The following RAB3B variants were observed in gnomAD, a reference collection of about 807,000 sequenced individuals.
RAB3B encodes the protein ras-related protein Rab-3B.
A neutral mutation model predicts 20.5 loss-of-function variants in RAB3B; 11 were observed. The ratio of observed to expected loss-of-function variants is 0.54; its 90% confidence interval spans 0.34 to 0.89. RAB3B has a LOEUF of 0.89. Ranked by LOEUF, RAB3B falls within the 40% of genes least tolerant of loss-of-function variation. RAB3B has a pLI of 0.02. For missense variants in RAB3B, 225 were observed against 280.9 expected (o/e 0.80, Z 1.42); for synonymous variants, 99 against 106.3 (o/e 0.93, Z 0.42).
At chr1:51,974,441 A>C (rs1355008420) in intron 2 of RAB3B, among the ~76,000 whole-genome samples, 4 of 152,218 alleles carry the variant, frequency 2.6e-5, no homozygotes, top group African/African-American at 7.2e-5. Flanking sequence ...CATTTCTAAC[A>C]AATTCCAAGG....
chr1:51,932,048 C>G (rs1684334300), intron 4 of RAB3B, among the ~76,000 whole-genome samples: 1 of 152,058 alleles, frequency 6.6e-6, no homozygotes, highest in Non-Finnish European at 1.5e-5. Flanking sequence ...CAGCAAGGCC[C>G]AAGATGACCC....
chr1:51,971,472 G>A (rs1428447073), intron 2 of RAB3B, among the ~76,000 whole-genome samples: 44 of 146,186 alleles, frequency 3.0e-4, no homozygotes, highest in African/African-American at 1.1e-3. Context: ...TCGCTCTGTC[G>A]CCTAGGCTGG....
At chr1:51,932,567 C>T (rs935794730) in intron 4 of RAB3B, among the ~76,000 whole-genome samples, 1 of 152,214 alleles carries the variant, frequency 6.6e-6, no homozygotes, top group Non-Finnish European at 1.5e-5. Context: ...GAGCTACATA[C>T]TCAAACCACA....
chr1:51,943,766 T>C (rs1684526242), intron 2 of RAB3B, among the ~76,000 whole-genome samples: 1 of 152,236 alleles, frequency 6.6e-6, no homozygotes, highest in Non-Finnish European at 1.5e-5. Flanking sequence ...GCCTTAACTC[T>C]CTTCAATTCT....
chr1:51,965,327 C>A (rs2124295117), intron 2 of RAB3B, among the ~76,000 whole-genome samples: 1 of 152,174 alleles, frequency 6.6e-6, no homozygotes, highest in South Asian at 2.1e-4. Context: ...TGTAAATATA[C>A]TAAAAATCAC....
chr1:51,988,324 A>G lies in RAB3B; in HGVS notation c.-1+2228T>C, dbSNP rs149001650. ...ACTGCTGACCCATCACCACCTTCTC[A>G]TTGTTTTCCCAGGTCTCCTAGAGCC... On this transcript the variant is annotated intron_variant, in intron 1 of 4. Coordinates refer to ENST00000371655, the MANE Select transcript of RAB3B (RefSeq NM_002867.4). Among the ~76,000 whole-genome samples the G allele has an allele frequency of 3.6e-3, 545 of 152,208 alleles. 3 individuals carry two copies. Among genetic ancestry groups the G allele is most frequent in the African/African-American group, 0.013 (519 of 41,520 alleles).
At chr1:51,975,424 C>T (rs1005417166) in intron 2 of RAB3B, among the ~76,000 whole-genome samples, 2 of 152,040 alleles carry the variant, frequency 1.3e-5, no homozygotes, top group Non-Finnish European at 2.9e-5. Flanking sequence ...AAGATGGTCC[C>T]CAGTGATACT....
intron 2 of RAB3B, among the ~76,000 whole-genome samples, chr1:51,963,973 G>C (rs1047554990): frequency 2.0e-5 from 3 of 151,840 alleles, no homozygotes; most frequent in Non-Finnish European, 4.4e-5. Flanking sequence ...ACCACCATAC[G>C]AACGTGCTGC....
chr1:51,972,489 C>CTTTTTTTTTTTTTT (rs1160625371), intron 2 of RAB3B, among the ~76,000 whole-genome samples: 14 of 130,864 alleles, frequency 1.1e-4, no homozygotes, highest in Non-Finnish European at 1.5e-4. Context: ...TTTCTTTTTT[C>CTTTTTTTTTTTTTT]TTTTTTTTTT....
chr1:51,924,673 C>T (rs79603577), intron 4 of RAB3B, among the ~76,000 whole-genome samples: 2,086 of 152,234 alleles, frequency 0.014, 38 homozygotes, highest in African/African-American at 0.047. Flanking sequence ...CAAAGGTACC[C>T]GGAATGTGAG....
At chr1:51,964,259 T>C (rs1355189422) in intron 2 of RAB3B, among the ~76,000 whole-genome samples, 1 of 152,210 alleles carries the variant, frequency 6.6e-6, no homozygotes, top group Non-Finnish European at 1.5e-5. Flanking sequence ...GCAGCCATAT[T>C]TGACACAGTT....
intron 3 of RAB3B, among the ~76,000 whole-genome samples, chr1:51,935,799 G>A (rs954357967): frequency 6.6e-6 from 1 of 152,034 alleles, no homozygotes. Context: ...GGAAGGGGAA[G>A]AGAACAGAGG....
chr1:51,925,192 C>A (rs1343929393), intron 4 of RAB3B, among the ~76,000 whole-genome samples: 1 of 152,176 alleles, frequency 6.6e-6, no homozygotes, highest in African/African-American at 2.4e-5. Context: ...CGGTTCAGAT[C>A]CCTTCTCCAT....
chr1:51,961,281 G>T (rs2124289705), intron 2 of RAB3B, among the ~76,000 whole-genome samples: 2 of 152,250 alleles, frequency 1.3e-5, no homozygotes, highest in Middle Eastern at 3.4e-3. Flanking sequence ...AGAGAGGAGG[G>T]CTGGTAGAAA....
At chr1:51,936,961 G>A (rs2809939) in intron 3 of RAB3B, among the ~76,000 whole-genome samples, 126,821 of 151,848 alleles carry the variant, frequency 0.84, 53,758 homozygotes, top group East Asian at 0.96. Context: ...TTATAGGCAC[G>A]TGCCACCACG....
chr1:51,953,137 C>T (rs1557970444), intron 2 of RAB3B, among the ~76,000 whole-genome samples: 1 of 152,362 alleles, frequency 6.6e-6, no homozygotes, highest in East Asian at 1.9e-4. Flanking sequence ...AACCATCATT[C>T]ATAATATCCC....
intron 1 of RAB3B, among the ~76,000 whole-genome samples, chr1:51,982,529 G>C (rs747629820): frequency 7.9e-5 from 12 of 152,310 alleles, no homozygotes; most frequent in Admixed American, 2.0e-4. Context: ...GAGGCAGGCA[G>C]ATCACTTAAG....
intron 2 of RAB3B, among the ~76,000 whole-genome samples, chr1:51,949,890 T>G (rs1229272172): frequency 6.6e-6 from 1 of 152,176 alleles, no homozygotes; most frequent in Non-Finnish European, 1.5e-5. Context: ...CAGAGGGTCC[T>G]AAGCTCTTGT....
At chr1:51,971,496 A>C (rs911023571) in intron 2 of RAB3B, among the ~76,000 whole-genome samples, 3 of 149,374 alleles carry the variant, frequency 2.0e-5, no homozygotes, top group African/African-American at 7.4e-5. Context: ...GCAATGGCGC[A>C]ATCTTGGCTC....
Sources: allele counts gnomAD v4.1 joint callset (sites outside exome capture counted in the v4.1 genomes callset), GRCh38; gene constraint gnomAD v4.1.1; transcripts MANE v1.5; gene names NCBI Gene and HGNC (gene_info 2026-07-23, HGNC 2026-07-21).